Variants in TMEM132B observed in about 807,000 individuals in gnomAD.
The protein encoded by TMEM132B is transmembrane protein 132B.
Under a neutral mutation model 90.8 loss-of-function variants are expected in TMEM132B, and 18 were observed. That is an observed-to-expected ratio of 0.20 (90% CI 0.14 to 0.29). TMEM132B has a LOEUF of 0.29. Among genes scored for constraint, TMEM132B ranks in the 10% least tolerant of loss-of-function variants. The pLI is 1.00. For missense variants in TMEM132B, 1,096 were observed against 1,326.8 expected, an observed-to-expected ratio of 0.83 and a Z score of 2.70; for synonymous variants, 504 against 523.3, an observed-to-expected ratio of 0.96 and a Z score of 0.50.
intron 1 of TMEM132B, among the ~76,000 whole-genome samples, chr12:125,348,938 G>A (rs552597817): frequency 1.3e-5 from 2 of 152,326 alleles, no homozygotes; most frequent in Admixed American, 1.3e-4. Context: ...TAGGAAAGCT[G>A]AGCGGTAGCT....
rs528628372 is a variant in TMEM132B, at chr12:125,220,537, G to A, written c.67+33671G>A. Among the ~76,000 whole-genome samples, 90 of 152,330 alleles carry A rather than the reference G, an allele frequency of 5.9e-4. 1 individual carries two copies. The South Asian group carries it at 0.015, about 25-fold the overall frequency. The stretch of plus-strand genomic sequence containing the variant: ...TCCTGCCAGCCTTGGAGAAAGTGAC[G>A]ATAGCGATTCAGGCCCTTCTCTGTC... On this transcript the variant is annotated intron_variant, in intron 1 of 8. Transcript: ENST00000682704.
chr12:125,636,049 G>A (rs1886471295), intron 5 of TMEM132B, among the ~76,000 whole-genome samples: 1 of 152,088 alleles, frequency 6.6e-6, no homozygotes, highest in Non-Finnish European at 1.5e-5. Flanking sequence ...GTGGTGATTC[G>A]AGACTCCCTT....
intron 1 of TMEM132B, among the ~76,000 whole-genome samples, chr12:125,227,633 C>G (rs2136079443): frequency 6.6e-6 from 1 of 152,226 alleles, no homozygotes; most frequent in East Asian, 1.9e-4. Flanking sequence ...TCAGTGTCTC[C>G]CCTCTCTCAG....
Position 125,620,590 on chromosome 12 carries a change from C to A in TMEM132B, c.1438-23486C>A, listed in dbSNP as rs144807170. ...TGACAAAAGCTGTAAGAGTCCCACA[C>A]TATAATAGTCTGTTCTCACACTGCT... On this transcript the variant is annotated intron_variant, in intron 5 of 8. Transcript: ENST00000682704. Among the ~76,000 whole-genome samples the A allele has an allele frequency of 1.3e-3, 195 of 152,286 alleles. 1 individual carries two copies. Among genetic ancestry groups the A allele is most frequent in the African/African-American group, 4.2e-3 (174 of 41,550 alleles).
At chr12:125,648,818 T>C (rs1375416090) in intron 6 of TMEM132B, among the ~76,000 whole-genome samples, 1 of 152,146 alleles carries the variant, frequency 6.6e-6, no homozygotes, top group Non-Finnish European at 1.5e-5. Flanking sequence ...CTAGTGTCAT[T>C]TATCATAAAA....
At chr12:125,382,121 A>G (rs1357146772) in intron 2 of TMEM132B, among the ~76,000 whole-genome samples, 1 of 152,086 alleles carries the variant, frequency 6.6e-6, no homozygotes, top group African/African-American at 2.4e-5. Context: ...CACACAGGTA[A>G]CTCTAACTTA....
intron 3 of TMEM132B, among the ~76,000 whole-genome samples, chr12:125,497,075 C>G (rs1367856140): frequency 6.6e-6 from 1 of 152,174 alleles, no homozygotes; most frequent in Non-Finnish European, 1.5e-5. Flanking sequence ...TATTTCAAAG[C>G]TCCAGGAGAG....
chr12:125,327,632 C>T (rs1876627475), intron 1 of TMEM132B: 1 of 152,292 alleles, frequency 6.6e-6, no homozygotes, highest in African/African-American at 2.4e-5. Flanking sequence ...GTGGCCATCA[C>T]CTGGGCCACC....
chr12:125,570,270 C>T (rs1365272445), intron 4 of TMEM132B, among the ~76,000 whole-genome samples: 2 of 152,184 alleles, frequency 1.3e-5, no homozygotes, highest in Non-Finnish European at 2.9e-5. Flanking sequence ...GTTGTTTCAG[C>T]AGTGGAGGAA....
At chr12:125,365,692 A>G (rs2136259814) in intron 2 of TMEM132B, among the ~76,000 whole-genome samples, 1 of 152,004 alleles carries the variant, frequency 6.6e-6, no homozygotes, top group Non-Finnish European at 1.5e-5. Flanking sequence ...CTGAGTTGGC[A>G]GTTTTTTTCT....
chr12:125,541,499 G>C (rs922904160), intron 4 of TMEM132B, among the ~76,000 whole-genome samples: 3 of 152,234 alleles, frequency 2.0e-5, no homozygotes, highest in Middle Eastern at 3.4e-3. Flanking sequence ...GTGAGAGGTT[G>C]GAGTGTCAAA....
chr12:125,394,671 A>G (rs1879121661), intron 2 of TMEM132B, among the ~76,000 whole-genome samples: 1 of 152,204 alleles, frequency 6.6e-6, no homozygotes, highest in Non-Finnish European at 1.5e-5. Flanking sequence ...CTAAGAGATG[A>G]TTTCAAGTAT....
chr12:125,434,748 C>T (rs1190244710), intron 3 of TMEM132B, among the ~76,000 whole-genome samples: 2 of 152,212 alleles, frequency 1.3e-5, no homozygotes, highest in Non-Finnish European at 2.9e-5. Context: ...TGTTTTTTCA[C>T]CATCCTGTCT....
chr12:125,559,884 C>G (rs182191946), intron 4 of TMEM132B, among the ~76,000 whole-genome samples: 1 of 152,242 alleles, frequency 6.6e-6, no homozygotes, highest in East Asian at 1.9e-4. Context: ...TGTTCCGAGT[C>G]CACCTGGAAA....
intron 3 of TMEM132B, among the ~76,000 whole-genome samples, chr12:125,495,150 A>C (rs367889456): frequency 0.25 from 2,837 of 11,394 alleles, 1 homozygote; most frequent in Non-Finnish European, 0.26. Context: ...TCTTCCCCCT[A>C]CTCCCTGAAA....
rs115958567 is a variant in TMEM132B, at chr12:125,638,867, G to A, written c.1438-5209G>A. On this transcript the variant is annotated intron_variant, in intron 5 of 8. Coordinates refer to ENST00000682704, the MANE Select transcript of TMEM132B (RefSeq NM_001366854.1). ...TTAGCCTCTTTTATTATAAAGCAAT[G>A]TAGTTGCAAAAGTGTAATTTGACAG... 8.7e-3 allele frequency among the ~76,000 whole-genome samples: 1,320 copies of A among 152,264 alleles called. 25 individuals carry two copies. Among genetic ancestry groups the A allele is most frequent in the African/African-American group, 0.031 (1,274 of 41,540 alleles).
chr12:125,370,531 C>T (rs1482297125), intron 2 of TMEM132B, among the ~76,000 whole-genome samples: 1 of 152,188 alleles, frequency 6.6e-6, no homozygotes, highest in Non-Finnish European at 1.5e-5. Context: ...AGGTATTTAA[C>T]TGGGCATCTG....
At chr12:125,293,635 T>C (rs1875597695) in intron 1 of TMEM132B, among the ~76,000 whole-genome samples, 1 of 152,254 alleles carries the variant, frequency 6.6e-6, no homozygotes, top group South Asian at 2.1e-4. Flanking sequence ...ATTTTGTTCT[T>C]TTTTATGGCT....
chr12:125,517,835 A>G (rs545394336), intron 3 of TMEM132B, among the ~76,000 whole-genome samples: 1 of 152,336 alleles, frequency 6.6e-6, no homozygotes, highest in South Asian at 2.1e-4. Context: ...CAGGGTACAA[A>G]GCAGGTCAGC....
Sources: gnomAD v4.1 joint callset for allele counts (sites outside exome capture counted in the v4.1 genomes callset) on GRCh38, gnomAD v4.1.1 for gene constraint, MANE v1.5 for transcripts, NCBI Gene and HGNC (gene_info 2026-07-23, HGNC 2026-07-21) for gene names.